The following MGAT4C variants were observed in gnomAD, a reference collection of about 807,000 sequenced individuals.
MGAT4C encodes MGAT4 family member C.
In MGAT4C, 19 loss-of-function variants were observed where a neutral mutation model predicts 40.1. The ratio of observed to expected loss-of-function variants is 0.47; its 90% CI spans 0.33 to 0.70. The LOEUF (loss-of-function observed/expected upper bound fraction) is 0.70, where lower values mean the gene tolerates loss of function less well. MGAT4C is among the 30% of genes least tolerant of loss of function. MGAT4C has a pLI of 0.02. For synonymous variants in MGAT4C, 181 were observed against 187.1 expected, an observed-to-expected ratio of 0.97 and a Z score of 0.27; for missense variants, 491 against 563.2, an observed-to-expected ratio of 0.87 and a Z score of 1.30.
intron 1 of MGAT4C, among the ~76,000 whole-genome samples, chr12:86,237,195 C>T (rs1239585548): frequency 6.6e-6 from 1 of 151,406 alleles, no homozygotes; most frequent in African/African-American, 2.4e-5. Context: ...GGCAATCTAT[C>T]TACTTAATAA....
chr12:86,427,175 C>T (rs192429015), intron 3 of MGAT4C, among the ~76,000 whole-genome samples: 1 of 152,196 alleles, frequency 6.6e-6, no homozygotes, highest in African/African-American at 2.4e-5. Flanking sequence ...CTAAGAGGGG[C>T]TGCCTTCTAC....
intron 1 of MGAT4C, among the ~76,000 whole-genome samples, chr12:86,133,589 T>C (rs968625224): frequency 2.6e-5 from 4 of 152,304 alleles, no homozygotes; most frequent in African/African-American, 9.6e-5. Flanking sequence ...AGTCAGTATT[T>C]ATTGCACTAA....
intron 2 of MGAT4C, among the ~76,000 whole-genome samples, chr12:86,531,403 A>C (rs963334382): frequency 2.0e-5 from 3 of 152,070 alleles, no homozygotes. Context: ...AATGCACAGC[A>C]GTCTCCTATG....
At chr12:86,779,070 C>T (rs1233572897) in intron 1 of MGAT4C, among the ~76,000 whole-genome samples, 2 of 150,652 alleles carry the variant, frequency 1.3e-5, no homozygotes, top group East Asian at 3.9e-4. Flanking sequence ...ATATAAATTG[C>T]CAGAAAACGC....
chr12:86,614,833 A>G (rs963778362), intron 2 of MGAT4C, among the ~76,000 whole-genome samples: 2 of 151,916 alleles, frequency 1.3e-5, no homozygotes, highest in Non-Finnish European at 2.9e-5. Context: ...CTTCTATCTA[A>G]TTTAATTTTG....
intron 4 of MGAT4C, among the ~76,000 whole-genome samples, chr12:86,296,059 A>G (rs12821562): frequency 1.8e-3 from 46 of 25,564 alleles, no homozygotes; most frequent in East Asian, 0.014. Flanking sequence ...AGACATAAAG[A>G]CTCTCCAAGG....
chr12:86,503,750 TGAGTTCTGCTCATATATATATATATA>T (rs1958414666), intron 2 of MGAT4C, among the ~76,000 whole-genome samples: 2 of 65,008 alleles, frequency 3.1e-5, no homozygotes, highest in Non-Finnish European at 3.2e-5. Context: ...TATATATATA[TGAGTTCTGCTCATATATATATATATA>T]GAGTTCTGCT....
chr12:86,563,869 C>G (rs146612205), intron 2 of MGAT4C, among the ~76,000 whole-genome samples: 121 of 152,270 alleles, frequency 7.9e-4, no homozygotes, highest in African/African-American at 2.6e-3. Context: ...ATCCTGTGGT[C>G]ATTTCCCCAG....
intron 1 of MGAT4C, among the ~76,000 whole-genome samples, chr12:86,062,723 GC>G (rs1894116188): frequency 6.6e-6 from 1 of 151,872 alleles, no homozygotes; most frequent in South Asian, 2.1e-4. Flanking sequence ...ACTTCATGAA[GC>G]ATACACAAGT....
At chr12:86,760,575 A>G (rs1951386804) in intron 1 of MGAT4C, among the ~76,000 whole-genome samples, 2 of 152,122 alleles carry the variant, frequency 1.3e-5, no homozygotes, top group Non-Finnish European at 2.9e-5. Flanking sequence ...ACAATATGCA[A>G]TGAAACAGCT....
At chr12:86,449,607 C>T (rs1393322415) in intron 2 of MGAT4C, among the ~76,000 whole-genome samples, 1 of 152,100 alleles carries the variant, frequency 6.6e-6, no homozygotes, top group African/African-American at 2.4e-5. Context: ...GGTAACGACT[C>T]TTCTCACTTC....
chr12:86,815,719 G>A (rs1952589521), intron 1 of MGAT4C, among the ~76,000 whole-genome samples: 1 of 151,662 alleles, frequency 6.6e-6, no homozygotes, highest in African/African-American at 2.4e-5. Context: ...TGACCTGGAT[G>A]GGATTGGAGA....
chr12:86,752,291 A>G (rs1046061444), intron 1 of MGAT4C, among the ~76,000 whole-genome samples: 1 of 152,090 alleles, frequency 6.6e-6, no homozygotes, highest in African/African-American at 2.4e-5. Flanking sequence ...AATGTTCCAC[A>G]GTTTATTAGA....
chr12:86,667,517 A>T (rs915838297), intron 2 of MGAT4C, among the ~76,000 whole-genome samples: 2 of 152,226 alleles, frequency 1.3e-5, no homozygotes, highest in African/African-American at 4.8e-5. Flanking sequence ...TCAATGTGTA[A>T]ATAGCATCAG....
At chr12:86,727,412 G>A (rs1445245527) in intron 1 of MGAT4C, among the ~76,000 whole-genome samples, 1 of 152,074 alleles carries the variant, frequency 6.6e-6, no homozygotes, top group Non-Finnish European at 1.5e-5. Flanking sequence ...GCCCTGGTAA[G>A]TAGCTGGCAA....
At position 86,201,900 on chromosome 12, in the gene MGAT4C, T is replaced by A. The variant is rs767351589; in HGVS notation, c.-57+54339A>T. On this transcript the variant is annotated intron_variant, in intron 1 of 4. Coordinates refer to ENST00000611864, the MANE Select transcript of MGAT4C (RefSeq NM_001351288.2). The stretch of plus-strand genomic sequence containing the variant: ...TAAATTCATTGCTATGATTTTATTG[T>A]TTTTATGCCACAGCAAATGGTATTG... 3.3e-5 allele frequency among the ~76,000 whole-genome samples: 5 copies of A among 152,122 alleles called. No individual in the cohort carries two copies. In the East Asian group the frequency reaches 9.6e-4, roughly 29 times the overall value.
At chr12:86,349,246 A>C (rs891323611) in intron 3 of MGAT4C, among the ~76,000 whole-genome samples, 1 of 152,154 alleles carries the variant, frequency 6.6e-6, no homozygotes, top group Non-Finnish European at 1.5e-5. Flanking sequence ...TATCTTGCTC[A>C]GAGAAGCTAC....
chr12:86,528,227 T>A (rs756426519), intron 2 of MGAT4C, among the ~76,000 whole-genome samples: 23 of 152,170 alleles, frequency 1.5e-4, no homozygotes, highest in Non-Finnish European at 2.4e-4. Flanking sequence ...GTAAAGAAGA[T>A]TATTGCTATG....
intron 2 of MGAT4C, among the ~76,000 whole-genome samples, chr12:86,440,881 A>T (rs1957215747): frequency 6.6e-6 from 1 of 151,848 alleles, no homozygotes; most frequent in South Asian, 2.1e-4. Context: ...ACAATAACTA[A>T]AAAAAATCTA....
Sources: allele counts gnomAD v4.1 joint callset (sites outside exome capture counted in the v4.1 genomes callset), GRCh38; gene constraint gnomAD v4.1.1; transcripts MANE v1.5; gene names NCBI Gene and HGNC (gene_info 2026-07-23, HGNC 2026-07-21).